UPB1: variants seen among roughly 807,000 people sequenced by gnomAD.
The protein encoded by UPB1 is beta-ureidopropionase.
In UPB1, 40 loss-of-function variants were observed where a neutral mutation model predicts 49.1. The observed-to-expected ratio is 0.81, with a 90% CI of 0.63 to 1.06. UPB1 has a LOEUF of 1.06. Ranked by LOEUF, UPB1 falls within the 50% of genes least tolerant of loss-of-function variation. The pLI is 0.00. For synonymous variants in UPB1, 207 were observed against 198.2 expected, an observed-to-expected ratio of 1.04 and a Z score of -0.38; for missense variants, 499 against 505.9, an observed-to-expected ratio of 0.99 and a Z score of 0.13.
chr22:24,517,463 G>A (rs2044316565), intron 6 of UPB1, among the ~76,000 whole-genome samples: 1 of 152,182 alleles, frequency 6.6e-6, no homozygotes, highest in South Asian at 2.1e-4. Flanking sequence ...CTTCCCACTG[G>A]GGTCCCTAGA....
At chr22:24,507,007 G>GTGT (rs1210112331) in intron 3 of UPB1, among the ~76,000 whole-genome samples, 1 of 106,578 alleles carries the variant, frequency 9.4e-6, no homozygotes, top group African/African-American at 3.0e-5. Flanking sequence ...TGAGGGCCAG[G>GTGT]TGTTAGGTCA....
At chr22:24,506,946 G>A (rs569780762) in intron 3 of UPB1, among the ~76,000 whole-genome samples, 2 of 152,252 alleles carry the variant, frequency 1.3e-5, no homozygotes, top group South Asian at 4.1e-4. Context: ...GCCAGGTTGT[G>A]TGGCCGCACC....
rs750178863 is a variant in UPB1, at chr22:24,495,511, C to G, written c.104+4C>G. ...TTCTCTATGGCAAGGAACTCAGGTC[C>G]GCAGCCAAGAGGCTAAGCTAATGGG... On this transcript the variant is annotated splice_donor_region_variant and intron_variant, in intron 1 of 9. Transcript: ENST00000326010. 6.2e-7 allele frequency: 1 copy of G among 1,613,920 alleles called. No homozygotes were observed. Among genetic ancestry groups the G allele is most frequent in the Non-Finnish European group, 8.5e-7 (1 of 1,180,008 alleles).
At chr22:24,520,616 TC>T in intron 7 of UPB1, 148 bp downstream of exon 7, 1 of 897,118 alleles carries the variant, frequency 1.1e-6, no homozygotes, top group South Asian at 1.5e-5. Flanking sequence ...GATATCTCTG[TC>T]CTCCTGTTTT....
At chr22:24,525,219 G>C (rs1344275693) in intron 9 of UPB1, among the ~76,000 whole-genome samples, 1 of 151,574 alleles carries the variant, frequency 6.6e-6, no homozygotes, top group Non-Finnish European at 1.5e-5. Context: ...AGGAGGGAGG[G>C]AGGGAGGGTG....
Position 24,508,854 on chromosome 22 carries a change from C to T in UPB1, c.365-1895C>T, listed in dbSNP as rs181863696. On this transcript the variant is annotated intron_variant, in intron 3 of 9. Transcript: ENST00000326010. Reference sequence around the variant, plus strand: ...CAAGATCGTGCCATTGCACTCCAGCCTGGGCAACAAGAACAAGACTCCATC... The same window carrying T: ...CAAGATCGTGCCATTGCACTCCAGCTTGGGCAACAAGAACAAGACTCCATC... Among the ~76,000 whole-genome samples, 409 of 152,250 alleles carry T rather than the reference C, an allele frequency of 2.7e-3. 2 individuals carry two copies. Among genetic ancestry groups the T allele is most frequent in the Non-Finnish European group, 2.5e-3 (171 of 68,016 alleles).
chr22:24,496,372 A>AACACACACACACACACACACAC (rs60159909), intron 1 of UPB1, among the ~76,000 whole-genome samples: 8 of 141,624 alleles, frequency 5.6e-5, no homozygotes, highest in South Asian at 2.3e-4. Flanking sequence ...CCCTGTCTCA[A>AACACACACACACACACACACAC]ACACACACAC....
At chr22:24,516,554 T>G (rs545677234) in intron 6 of UPB1, 5 of 152,394 alleles carry the variant, frequency 3.3e-5, no homozygotes, top group Admixed American at 1.3e-4. Flanking sequence ...AGGTGCTGGC[T>G]TTCACTTTCT....
chr22:24,510,979 A>C, intron 4 of UPB1, 136 bp downstream of exon 4: 3 of 889,990 alleles, frequency 3.4e-6, no homozygotes, highest in Non-Finnish European at 5.4e-6. Flanking sequence ...ATAAGATTAG[A>C]TAAGACTATC....
intron 3 of UPB1, among the ~76,000 whole-genome samples, chr22:24,504,546 C>T (rs1163895367): frequency 6.6e-6 from 1 of 151,990 alleles, no homozygotes; most frequent in Non-Finnish European, 1.5e-5. Context: ...TATTTTAATC[C>T]ACTCTAGGCA....
At chr22:24,499,951 T>G (rs1429076934) in intron 1 of UPB1, among the ~76,000 whole-genome samples, 156 bp from the exon 2 acceptor site, 1 of 152,188 alleles carries the variant, frequency 6.6e-6, no homozygotes, top group Non-Finnish European at 1.5e-5. Context: ...TGGACCCCAC[T>G]GCTCGCCAGC....
intron 1 of UPB1, among the ~76,000 whole-genome samples, chr22:24,496,372 AACACACACAC>A (rs60159909): frequency 1.3e-4 from 19 of 141,624 alleles, no homozygotes; most frequent in Admixed American, 7.0e-4. Context: ...CCCTGTCTCA[AACACACACAC>A]ACACACACAC....
In UPB1 at chr22:24,495,392, C is replaced by A. The variant is rs772312118; in HGVS notation, c.-12C>A. ...GTTCGTGCGCGGACACAAGCACTGGCGGACCGTGGCCATGGCGGGCGCTGA... is the reference window on the plus strand; with the variant it reads ...GTTCGTGCGCGGACACAAGCACTGGAGGACCGTGGCCATGGCGGGCGCTGA... On this transcript the variant is annotated 5_prime_UTR_variant, in exon 1 of 10. Transcript: ENST00000326010. 1 of 1,612,350 alleles carries A rather than the reference C, an allele frequency of 6.2e-7. No individual in the cohort carries two copies.
chr22:24,520,539 C>G, intron 7 of UPB1, 71 bp downstream of exon 7: 2 of 1,540,684 alleles, frequency 1.3e-6, no homozygotes, highest in South Asian at 2.3e-5. Flanking sequence ...CCCGTTCCCT[C>G]TGCACACATG....
rs1341343479 is a variant in UPB1, at chr22:24,500,261, G to GC, written c.263dup (p.Val89CysfsTer10). Reference sequence around the variant, plus strand: ...GAACAGAATCCCCCTCCCCGCAAATGCCCCTGTGGCAGAACAGGTGCAGAC... The same window carrying GC: ...GAACAGAATCCCCCTCCCCGCAAATGCCCCCTGTGGCAGAACAGGTGCAGAC... On this transcript the variant is annotated frameshift_variant, in exon 2 of 10. Transcript: ENST00000326010. LOFTEE classifies it high-confidence loss of function. 3.1e-6 allele frequency: 5 copies of GC among 1,614,046 alleles called. No homozygotes were observed. Among genetic ancestry groups the GC allele is most frequent in the Non-Finnish European group, 4.2e-6 (5 of 1,180,048 alleles).
At chr22:24,499,110 C>T (rs931704548) in intron 1 of UPB1, among the ~76,000 whole-genome samples, 2 of 152,120 alleles carry the variant, frequency 1.3e-5, no homozygotes, top group Non-Finnish European at 2.9e-5. Context: ...TTGTCAGGGG[C>T]GGAACCGAAC....
At chr22:24,502,626 C>T in intron 3 of UPB1, 1 of 684,606 alleles carries the variant, frequency 1.5e-6, no homozygotes, top group Non-Finnish European at 2.6e-6. Flanking sequence ...TTATTTTTAT[C>T]AGAGTTTTAC....
chr22:24,508,357 G>A (rs1468141822), intron 3 of UPB1, among the ~76,000 whole-genome samples: 9 of 152,158 alleles, frequency 5.9e-5, no homozygotes, highest in African/African-American at 1.4e-4. Flanking sequence ...TCAGGAGTTC[G>A]AAACCAGCCT....
At chr22:24,523,875 C>G in intron 9 of UPB1, 102 bp downstream of exon 9, 1 of 1,540,726 alleles carries the variant, frequency 6.5e-7, no homozygotes, top group Non-Finnish European at 8.9e-7. Flanking sequence ...GCATGAGGTA[C>G]CAGCTCCCAC....
Sources: allele counts gnomAD v4.1 joint callset (sites outside exome capture counted in the v4.1 genomes callset), GRCh38; gene constraint gnomAD v4.1.1; transcripts MANE v1.5; gene names NCBI Gene and HGNC (gene_info 2026-07-23, HGNC 2026-07-21).